Variants in ITPR2 observed in about 807,000 individuals in gnomAD.
ITPR2 encodes inositol 1,4,5-trisphosphate receptor type 2, also known as inositol 1,4,5-trisphosphate-gated calcium channel ITPR2.
A neutral mutation model predicts 317.1 loss-of-function variants in ITPR2; 207 were observed. The observed-to-expected ratio is 0.65, with a 90% confidence interval of 0.58 to 0.73. The LOEUF (loss-of-function observed/expected upper bound fraction) is 0.73, where lower values mean the gene tolerates loss of function less well. Among genes scored for constraint, ITPR2 ranks in the 30% least tolerant of loss-of-function variants. The pLI, the probability that ITPR2 is intolerant of heterozygous loss-of-function variation, is 0.00. For synonymous variants in ITPR2, 1,156 were observed against 1,149.1 expected, an observed-to-expected ratio of 1.01 and a Z score of -0.12; for missense variants, 2,613 against 3,284.0, an observed-to-expected ratio of 0.80 and a Z score of 4.99.
At chr12:26,411,159 T>C in intron 52 of ITPR2, 161 bp downstream of exon 52, 1 of 573,166 alleles carries the variant, frequency 1.7e-6, no homozygotes, top group Non-Finnish European at 3.1e-6. Flanking sequence ...AATGTGGGAA[T>C]CCTTTCTCCT....
intron 49 of ITPR2, 88 bp downstream of exon 49, chr12:26,427,825 A>G (rs999986132): frequency 2.4e-6 from 2 of 824,238 alleles, no homozygotes; most frequent in African/African-American, 3.6e-5. Flanking sequence ...CCATGCATAC[A>G]TGAATTAAAA....
chr12:26,402,440 C>T (rs868196519), intron 52 of ITPR2, among the ~76,000 whole-genome samples: 3 of 152,320 alleles, frequency 2.0e-5, no homozygotes, highest in Middle Eastern at 6.8e-3. Flanking sequence ...ATAAACGCTA[C>T]AGGAGAGGGC....
chr12:26,425,301 T>A (rs1011860123), intron 49 of ITPR2, among the ~76,000 whole-genome samples: 1 of 152,192 alleles, frequency 6.6e-6, no homozygotes, highest in African/African-American at 2.4e-5. Context: ...TTTGTCAATA[T>A]CTACAATATC....
chr12:26,519,271 T>G (rs1479415119), intron 37 of ITPR2, among the ~76,000 whole-genome samples: 3 of 152,072 alleles, frequency 2.0e-5, no homozygotes, highest in African/African-American at 7.2e-5. Context: ...CACACACGTG[T>G]GTGGGTGTGT....
intron 2 of ITPR2, among the ~76,000 whole-genome samples, chr12:26,775,804 T>C (rs940763067): frequency 6.6e-6 from 1 of 151,690 alleles, no homozygotes. Context: ...CTTCCTGCCA[T>C]TGAACATTGG....
At chr12:26,756,559 A>G (rs12299331) in intron 2 of ITPR2, among the ~76,000 whole-genome samples, 74,665 of 152,008 alleles carry the variant, frequency 0.49, 19,164 homozygotes, top group Non-Finnish European at 0.55. Context: ...TTCTTAAACT[A>G]AACACTTATT....
intron 34 of ITPR2, among the ~76,000 whole-genome samples, chr12:26,577,433 T>G (rs926403158): frequency 2.6e-5 from 4 of 152,232 alleles, no homozygotes; most frequent in African/African-American, 9.6e-5. Context: ...AGAAATTATG[T>G]TTCTCTATTT....
chr12:26,614,603 A>C (rs964085118), intron 26 of ITPR2, among the ~76,000 whole-genome samples: 7 of 152,236 alleles, frequency 4.6e-5, no homozygotes, highest in Admixed American at 1.3e-4. Context: ...AAACAATACA[A>C]GGGACTATTA....
chr12:26,676,387 G>C (rs112815221), intron 13 of ITPR2, among the ~76,000 whole-genome samples: 3,284 of 149,824 alleles, frequency 0.022, 113 homozygotes, highest in African/African-American at 0.077. Context: ...TGAGGCAAAA[G>C]AATCACTTGA....
intron 45 of ITPR2, among the ~76,000 whole-genome samples, chr12:26,461,365 T>C (rs1942014451): frequency 6.6e-6 from 1 of 151,998 alleles, no homozygotes; most frequent in South Asian, 2.1e-4. Context: ...TACATACAGC[T>C]CCTAGGTCAA....
rs1390307396 is a variant in ITPR2 at position 26,419,084 on chromosome 12, C to T, written c.7075G>A (p.Gly2359Ser). 5 of 1,613,354 alleles carry T rather than the reference C, an allele frequency of 3.1e-6. No homozygotes were observed. The highest frequency in any genetic ancestry group is 4.2e-6 in the Non-Finnish European group (5 of 1,179,690). Residue 2359 changes from glycine (G) to serine (S), a missense_variant, in exon 50 of 57, where the codon GGC (glycine) becomes AGC (serine). Coordinates refer to ENST00000381340, the MANE Select transcript of ITPR2 (RefSeq NM_002223.4). ...TAGAAGAATTCATGGACAAAAAGGCCCAGCATGCAAACCAGGACATACGCC... is the reference window on the plus strand; with the variant it reads ...TAGAAGAATTCATGGACAAAAAGGCTCAGCATGCAAACCAGGACATACGCC... ...HVAYVLVCMLGLFVHEFFYSF... is the reference protein window; with the variant it reads ...HVAYVLVCMLSLFVHEFFYSF...
intron 37 of ITPR2, among the ~76,000 whole-genome samples, chr12:26,515,193 C>T (rs941445178): frequency 6.6e-6 from 1 of 152,276 alleles, no homozygotes; most frequent in East Asian, 1.9e-4. Flanking sequence ...AGGAGCTTTG[C>T]ATCATTTATC....
At chr12:26,445,587 T>A (rs576971047) in intron 45 of ITPR2, among the ~76,000 whole-genome samples, 1 of 152,264 alleles carries the variant, frequency 6.6e-6, no homozygotes, top group East Asian at 1.9e-4. Context: ...GAGGGATTGA[T>A]TATCTGCATC....
chr12:26,768,434 A>AT, intron 2 of ITPR2, among the ~76,000 whole-genome samples: 1 of 97,570 alleles, frequency 1.0e-5, no homozygotes, highest in Middle Eastern at 4.5e-3. Flanking sequence ...TTAAAAAAAA[A>AT]TAAAAAATAA....
At chr12:26,577,540 G>A (rs186751019) in intron 34 of ITPR2, among the ~76,000 whole-genome samples, 49 of 152,040 alleles carry the variant, frequency 3.2e-4, no homozygotes, top group Admixed American at 1.4e-3. Context: ...TGATAATGAC[G>A]TCTTTTTCAT....
intron 9 of ITPR2, among the ~76,000 whole-genome samples, chr12:26,705,577 A>G (rs992394670): frequency 6.6e-6 from 1 of 152,184 alleles, no homozygotes; most frequent in Non-Finnish European, 1.5e-5. Flanking sequence ...AAACTTCCAG[A>G]CGTTTTGAAA....
At chr12:26,582,358 G>T (rs1279241012) in intron 32 of ITPR2, among the ~76,000 whole-genome samples, 1 of 152,028 alleles carries the variant, frequency 6.6e-6, no homozygotes, top group African/African-American at 2.4e-5. Flanking sequence ...CATATCAAAT[G>T]ATCTTTTTAT....
intron 32 of ITPR2, among the ~76,000 whole-genome samples, chr12:26,581,543 T>A (rs572750221): frequency 6.6e-5 from 10 of 152,310 alleles, no homozygotes; most frequent in African/African-American, 2.4e-4. Context: ...ATACACAAGA[T>A]GTTCAACAAA....
At chr12:26,378,884 C>T (rs1939422971) in intron 55 of ITPR2, among the ~76,000 whole-genome samples, 1 of 152,142 alleles carries the variant, frequency 6.6e-6, no homozygotes, top group African/African-American at 2.4e-5. Flanking sequence ...CCTCTCAGGC[C>T]TTCCTGCCAT....
Sources: gnomAD v4.1 joint callset for allele counts (sites outside exome capture counted in the v4.1 genomes callset) on GRCh38, gnomAD v4.1.1 for gene constraint, MANE v1.5 for transcripts, NCBI Gene and HGNC (gene_info 2026-07-23, HGNC 2026-07-21) for gene names.